Variants in LPP observed in about 807,000 individuals in gnomAD.
LPP encodes LIM domain containing preferred translocation partner in lipoma, also known as lipoma-preferred partner.
LPP carries 38 observed loss-of-function variants against 60.4 expected under a neutral mutation model. The ratio of observed to expected loss-of-function variants is 0.63; its 90% confidence interval spans 0.49 to 0.83. The LOEUF is 0.83. LPP is among the 40% of genes least tolerant of loss of function. The pLI is 0.00. For synonymous variants in LPP, 328 were observed against 290.8 expected, an observed-to-expected ratio of 1.13 and a Z score of -1.30; for missense variants, 902 against 783.6, an observed-to-expected ratio of 1.15 and a Z score of -1.80.
At chr3:188,249,353 TGCCACTGGGTGACTGG>T (rs1295072154) in intron 2 of LPP, among the ~76,000 whole-genome samples, 1 of 151,802 alleles carries the variant, frequency 6.6e-6, no homozygotes, top group Non-Finnish European at 1.5e-5. Context: ...GCTGAGATTC[TGCCACTGGGTGACTGG>T]GCCTGGGACG....
chr3:188,153,345 T>C (rs2148617522), upstream of LPP: 1 of 152,306 alleles, frequency 6.6e-6, no homozygotes, highest in South Asian at 2.1e-4. Context: ...AAGTTGGTCT[T>C]TGCCAGCTCT....
At chr3:188,492,118 G>T (rs2149761414) in intron 5 of LPP, among the ~76,000 whole-genome samples, 1 of 152,274 alleles carries the variant, frequency 6.6e-6, no homozygotes, top group East Asian at 1.9e-4. Flanking sequence ...GGGAATTGAT[G>T]GTGGTTAGTT....
intron 7 of LPP, among the ~76,000 whole-genome samples, chr3:188,628,539 A>C (rs1327772353): frequency 6.6e-6 from 1 of 152,160 alleles, no homozygotes; most frequent in Non-Finnish European, 1.5e-5. Context: ...ACCTCACAAG[A>C]TTGAAGCAGG....
chr3:188,215,668 C>A lies in LPP; in HGVS notation c.-189-9737C>A, dbSNP rs201842604. Among the ~76,000 whole-genome samples, 23 of 152,216 alleles carry A rather than the reference C, an allele frequency of 1.5e-4. No individual in the cohort carries two copies. The East Asian group carries it at 4.2e-3, about 28-fold the overall frequency. ...AATGAATATACCACATTTTGTCTAT[C>A]CATTTAGGTACTATTTTTTAACCTC... On this transcript the variant is annotated intron_variant, in intron 1 of 11. Coordinates refer to ENST00000617246, the MANE Select transcript of LPP (RefSeq NM_001375462.1).
intron 4 of LPP, among the ~76,000 whole-genome samples, chr3:188,475,927 GA>G (rs1349317109): frequency 2.6e-5 from 4 of 151,862 alleles, no homozygotes; most frequent in African/African-American, 9.7e-5. Context: ...AAACAAAAAA[GA>G]TATGAAAAAC....
At chr3:188,639,400 A>T (rs1412877583) in intron 7 of LPP, among the ~76,000 whole-genome samples, 3 of 151,416 alleles carry the variant, frequency 2.0e-5, no homozygotes, top group Non-Finnish European at 4.4e-5. Context: ...TTAGACCTAA[A>T]ACCATAAAAA....
intron 6 of LPP, among the ~76,000 whole-genome samples, chr3:188,540,682 A>G (rs1824926593): frequency 6.6e-6 from 1 of 152,202 alleles, no homozygotes; most frequent in African/African-American, 2.4e-5. Flanking sequence ...GTTTCCATGT[A>G]TAAAGCACTT....
chr3:188,629,802 A>G (rs2148486288), intron 7 of LPP, among the ~76,000 whole-genome samples: 1 of 152,258 alleles, frequency 6.6e-6, no homozygotes, highest in East Asian at 1.9e-4. Flanking sequence ...GGACAAAGCC[A>G]GAGTCATCAC....
intron 7 of LPP, among the ~76,000 whole-genome samples, chr3:188,668,580 G>A (rs1394389429): frequency 2.0e-5 from 3 of 152,120 alleles, no homozygotes; most frequent in African/African-American, 7.2e-5. Context: ...TTCTTAATAG[G>A]TATTTGAGCA....
intron 6 of LPP, among the ~76,000 whole-genome samples, chr3:188,537,864 A>G (rs1273174565): frequency 6.6e-6 from 1 of 152,150 alleles, no homozygotes; most frequent in Non-Finnish European, 1.5e-5. Context: ...AATGACAGCA[A>G]TCAAGCAGTG....
At chr3:188,343,983 G>A (rs1206165868) in intron 3 of LPP, among the ~76,000 whole-genome samples, 1 of 152,138 alleles carries the variant, frequency 6.6e-6, no homozygotes, top group Non-Finnish European at 1.5e-5. Context: ...CACTGACTGC[G>A]GTGTGTTCTC....
chr3:188,346,153 A>G (rs577567422), intron 3 of LPP, among the ~76,000 whole-genome samples: 3 of 148,744 alleles, frequency 2.0e-5, no homozygotes, highest in African/African-American at 7.4e-5. Flanking sequence ...CTTTCCAAAC[A>G]GTATGTTTGC....
intron 7 of LPP, among the ~76,000 whole-genome samples, chr3:188,687,196 G>A (rs1487268864): frequency 6.6e-6 from 1 of 152,184 alleles, no homozygotes; most frequent in Non-Finnish European, 1.5e-5. Flanking sequence ...TTATTTTGCA[G>A]ATGAGCAAAC....
At chr3:188,671,390 C>T (rs567322218) in intron 7 of LPP, among the ~76,000 whole-genome samples, 15 of 152,274 alleles carry the variant, frequency 9.9e-5, no homozygotes, top group African/African-American at 3.6e-4. Flanking sequence ...GTTGTGTTGG[C>T]AGAGTTGTCA....
intron 8 of LPP, among the ~76,000 whole-genome samples, chr3:188,715,027 T>A (rs1713241381): frequency 6.6e-6 from 1 of 152,024 alleles, no homozygotes; most frequent in South Asian, 2.1e-4. Context: ...TAGAGCAAAT[T>A]TTTTCCTAGA....
At chr3:188,867,500 T>C (rs902529850) in intron 10 of LPP, among the ~76,000 whole-genome samples, 18 of 151,938 alleles carry the variant, frequency 1.2e-4, no homozygotes, top group Non-Finnish European at 2.6e-4. Context: ...TGCACCACCA[T>C]GCCCAGCTAA....
At chr3:188,768,640 G>T (rs1023132581) in intron 9 of LPP, among the ~76,000 whole-genome samples, 1 of 151,990 alleles carries the variant, frequency 6.6e-6, no homozygotes, top group Admixed American at 6.6e-5. Context: ...TACATATTTC[G>T]ATTTATTATG....
chr3:188,456,428 A>T (rs1171500284), intron 4 of LPP, among the ~76,000 whole-genome samples: 1 of 152,262 alleles, frequency 6.6e-6, no homozygotes, highest in African/African-American at 2.4e-5. Context: ...CGATAACGTT[A>T]TAAAAGAAAC....
At chr3:188,366,278 C>T (rs925177419) in intron 3 of LPP, among the ~76,000 whole-genome samples, 9 of 152,234 alleles carry the variant, frequency 5.9e-5, no homozygotes, top group Non-Finnish European at 1.3e-4. Context: ...TTTATTCACT[C>T]TTCAAATGAT....
Sources: gnomAD v4.1 joint callset for allele counts (sites outside exome capture counted in the v4.1 genomes callset) on GRCh38, gnomAD v4.1.1 for gene constraint, MANE v1.5 for transcripts, NCBI Gene and HGNC (gene_info 2026-07-23, HGNC 2026-07-21) for gene names.